Variants in SRSF11 observed in about 807,000 individuals in gnomAD.
The protein encoded by SRSF11 is serine/arginine-rich splicing factor 11.
Under a neutral mutation model 56.0 loss-of-function variants are expected in SRSF11, and 9 were observed. That is an observed-to-expected ratio of 0.16 (90% CI 0.10 to 0.28). SRSF11 has a LOEUF of 0.28. Among genes scored for constraint, SRSF11 ranks in the 10% least tolerant of loss-of-function variants. The pLI is 1.00. For missense variants in SRSF11, 421 were observed against 600.7 expected, an observed-to-expected ratio of 0.70 and a Z score of 3.13; for synonymous variants, 222 against 215.3, an observed-to-expected ratio of 1.03 and a Z score of -0.27.
intron 5 of SRSF11, 60 bp downstream of exon 5, chr1:70,235,610 A>C: frequency 6.6e-7 from 1 of 1,507,578 alleles, no homozygotes; most frequent in Non-Finnish European, 9.0e-7. Context: ...ACAGAATTAG[A>C]GTTTTTTTGA....
intron 9 of SRSF11, chr1:70,249,341 A>G (rs977782761): frequency 1.3e-5 from 2 of 152,272 alleles, no homozygotes; most frequent in Non-Finnish European, 2.9e-5. Flanking sequence ...TAACTTCTTC[A>G]GTAATAGTTT....
upstream of SRSF11, among the ~76,000 whole-genome samples, chr1:70,217,708 C>G (rs1424342718): frequency 1.3e-5 from 2 of 152,038 alleles, no homozygotes; most frequent in African/African-American, 2.4e-5. Flanking sequence ...TAATTGTGAG[C>G]CTAAATAAAT....
intron 3 of SRSF11, among the ~76,000 whole-genome samples, chr1:70,234,414 G>T (rs1218185113): frequency 6.6e-6 from 1 of 152,122 alleles, no homozygotes; most frequent in African/African-American, 2.4e-5. Flanking sequence ...GGGGGGAAAT[G>T]TGTTGTAATG....
rs183149065 is a variant in SRSF11, at chr1:70,210,078, G to A, written c.-26+4298G>A. 3.6e-3 allele frequency among the ~76,000 whole-genome samples: 545 copies of A among 151,936 alleles called. 6 individuals carry two copies. Among genetic ancestry groups the A allele is most frequent in the African/African-American group, 0.013 (523 of 41,438 alleles). On this transcript the variant is annotated intron_variant, in intron 1 of 12. Coordinates refer to the SRSF11 transcript ENST00000370950. ...CATTTGTATATTCTTTGTTTTCTCT[G>A]CTTCTCTTATATACTTTTGAATCGT...
chr1:70,230,498 G>A, intron 2 of SRSF11: 4 of 1,240,016 alleles, frequency 3.2e-6, no homozygotes, highest in Non-Finnish European at 3.1e-6. Context: ...TAGGTTCCTT[G>A]GTTAATGTTT....
intron 6 of SRSF11, among the ~76,000 whole-genome samples, chr1:70,238,116 T>A (rs1674522383): frequency 6.6e-6 from 1 of 152,196 alleles, no homozygotes; most frequent in South Asian, 2.1e-4. Context: ...ATGGGAATGT[T>A]TTTTAATGTG....
At chr1:70,239,625 T>C in intron 7 of SRSF11, 105 bp downstream of exon 7, 1 of 805,290 alleles carries the variant, frequency 1.2e-6, no homozygotes, top group Non-Finnish European at 2.0e-6. Flanking sequence ...TAAAGTGTTT[T>C]AGTAACCTCT....
intron 9 of SRSF11, 119 bp from the exon 10 acceptor site, chr1:70,249,833 T>A: frequency 9.4e-7 from 1 of 1,060,082 alleles, no homozygotes; most frequent in Non-Finnish European, 1.4e-6. Context: ...GTGCTGGGAT[T>A]ATAGGCATGA....
At position 70,244,810 on chromosome 1, in the gene SRSF11, A is replaced by T. The variant is rs1268558995; in HGVS notation, c.927A>T (p.Lys309Asn). The change falls in exon 8 of 12, where the codon AAA (lysine) becomes AAT (asparagine). Residue 309 changes from lysine to asparagine, a missense_variant. Coordinates refer to ENST00000370949, the MANE Select transcript of SRSF11 (RefSeq NM_001350605.2). The part of the protein sequence containing the change: ...ERGRRSRSTS[K>N]TRDKKKEDKE... The stretch of plus-strand genomic sequence containing the variant: ...GTAGAAGGTCAAGGAGCACATCAAA[A>T]ACAAGGTATAGCATTGGGTGAGAAA... 6.2e-7 allele frequency: 1 copy of T among 1,614,074 alleles called. No homozygotes were observed.
At chr1:70,242,776 A>G (rs1195627285) in intron 7 of SRSF11, among the ~76,000 whole-genome samples, 1 of 152,220 alleles carries the variant, frequency 6.6e-6, no homozygotes, top group Non-Finnish European at 1.5e-5. Context: ...CAACTGTTTA[A>G]TCTCTTAAGG....
chr1:70,247,582 G>A (rs1032555962), intron 9 of SRSF11, among the ~76,000 whole-genome samples: 1 of 152,024 alleles, frequency 6.6e-6, no homozygotes, highest in Non-Finnish European at 1.5e-5. Flanking sequence ...AGACCTAAAT[G>A]TAAGAGCCAA....
intron 1 of SRSF11, among the ~76,000 whole-genome samples, chr1:70,211,415 G>A (rs1358270846): frequency 1.3e-5 from 2 of 152,004 alleles, no homozygotes; most frequent in Non-Finnish European, 2.9e-5. Flanking sequence ...GTTTAAAAAT[G>A]GCAAATACTG....
intron 2 of SRSF11, 62 bp downstream of exon 2, chr1:70,228,617 G>A: frequency 1.3e-6 from 2 of 1,549,700 alleles, no homozygotes; most frequent in South Asian, 1.3e-5. Context: ...CTCAGTAGAT[G>A]TAGAGTGAGC....
chr1:70,225,504 C>T (rs370772491), intron 1 of SRSF11, among the ~76,000 whole-genome samples: 1 of 152,098 alleles, frequency 6.6e-6, no homozygotes, highest in Non-Finnish European at 1.5e-5. Flanking sequence ...CCACTTAGCA[C>T]ACTATTAAGG....
intron 10 of SRSF11, 142 bp from the exon 11 acceptor site, chr1:70,250,223 C>T: frequency 7.2e-7 from 1 of 1,390,886 alleles, no homozygotes; most frequent in Non-Finnish European, 9.8e-7. Context: ...GTCCTATAAA[C>T]AAGTTAGTTT....
chr1:70,208,453 C>T (rs916569046), intron 1 of SRSF11, among the ~76,000 whole-genome samples: 1 of 152,164 alleles, frequency 6.6e-6, no homozygotes, highest in Non-Finnish European at 1.5e-5. Context: ...CCTGCCTCAG[C>T]CTCCCAAGAA....
At chr1:70,207,561 AGTT>A (rs1291254935) in intron 1 of SRSF11, among the ~76,000 whole-genome samples, 2 of 151,792 alleles carry the variant, frequency 1.3e-5, no homozygotes, top group African/African-American at 4.8e-5. Flanking sequence ...GAGACACTTC[AGTT>A]GTTTTTAAGA....
At chr1:70,230,645 AT>A (rs1029130126) in intron 2 of SRSF11, 1 of 1,258,104 alleles carries the variant, frequency 7.9e-7, no homozygotes, top group African/African-American at 1.6e-5. Context: ...CTATTTTTAA[AT>A]TGTAGTTTTA....
chr1:70,234,673 A>T (rs1340020470), intron 3 of SRSF11, 23 bp from the exon 4 acceptor site: 1 of 1,571,914 alleles, frequency 6.4e-7, no homozygotes, highest in South Asian at 1.2e-5. Flanking sequence ...AGTTTTAAAT[A>T]AATAAAATTT....
Sources: allele counts gnomAD v4.1 joint callset (sites outside exome capture counted in the v4.1 genomes callset), GRCh38; gene constraint gnomAD v4.1.1; transcripts MANE v1.5; gene names NCBI Gene and HGNC (gene_info 2026-07-23, HGNC 2026-07-21).